The following DGKH variants were observed in gnomAD, a reference collection of about 807,000 sequenced individuals.
The protein encoded by DGKH is diacylglycerol kinase eta.
DGKH carries 90 observed loss-of-function variants against 159.3 expected under a neutral mutation model. That is an observed-to-expected ratio of 0.57 (90% CI 0.48 to 0.67). The LOEUF is 0.67. Ranked by LOEUF, DGKH falls within the 30% of genes least tolerant of loss-of-function variation. The pLI, the probability that DGKH is intolerant of heterozygous loss-of-function variation, is 0.00. For synonymous variants in DGKH, 536 were observed against 553.8 expected, an observed-to-expected ratio of 0.97 and a Z score of 0.45; for missense variants, 1,181 against 1,506.1, an observed-to-expected ratio of 0.78 and a Z score of 3.57.
In DGKH at chr13:42,111,738, G is replaced by C. The variant is rs144891026; in HGVS notation, c.193-15725G>C. 1.2e-3 allele frequency among the ~76,000 whole-genome samples: 190 copies of C among 152,220 alleles called. 1 individual carries two copies. Among genetic ancestry groups the C allele is most frequent in the African/African-American group, 4.4e-3 (184 of 41,526 alleles). On this transcript the variant is annotated intron_variant, in intron 1 of 29. Transcript: ENST00000337343. Reference sequence around the variant, plus strand: ...TGTTGGAATACTTCACTAGACAGGGGGAAGCTTGCTTCTGTGCATTTCTTG... The same window carrying C: ...TGTTGGAATACTTCACTAGACAGGGCGAAGCTTGCTTCTGTGCATTTCTTG...
chr13:42,200,112 T>G (rs1312381158), intron 20 of DGKH, among the ~76,000 whole-genome samples: 1 of 152,204 alleles, frequency 6.6e-6, no homozygotes, highest in Non-Finnish European at 1.5e-5. Flanking sequence ...CATCATTATC[T>G]CCTGAAATTG....
intron 7 of DGKH, 64 bp downstream of exon 7, chr13:42,160,200 G>A (rs575752518): frequency 3.7e-5 from 59 of 1,610,226 alleles, no homozygotes; most frequent in African/African-American, 2.9e-4. Context: ...TGTCATCCAC[G>A]TGGTTTAGAG....
rs923277833 is a variant in DGKH, at chr13:42,198,665, T to A, written c.2285+70T>A. 3 of 1,280,326 alleles carry A rather than the reference T, an allele frequency of 2.3e-6. No homozygotes were observed. In the Admixed American group the frequency reaches 6.0e-5, roughly 26 times the overall value. The allele number at this position is 1,280,326 out of a possible 1,614,324, so 79.3% of individuals were successfully genotyped here. A position where few individuals can be genotyped will look rare whatever the true frequency, so the allele number is the denominator to read the frequency against. Reference sequence around the variant, plus strand: ...TTTTTTTTTTTTTCAACATGAACTGTAACATTTTAAATGTATTACAATAAA... The same window carrying A: ...TTTTTTTTTTTTTCAACATGAACTGAAACATTTTAAATGTATTACAATAAA... On this transcript the variant is annotated intron_variant, in intron 18 of 29. Coordinates refer to ENST00000337343, the MANE Select transcript of DGKH (RefSeq NM_178009.5).
chr13:42,103,835 G>A (rs116581178), intron 1 of DGKH, among the ~76,000 whole-genome samples: 118 of 152,308 alleles, frequency 7.7e-4, no homozygotes, highest in Middle Eastern at 3.4e-3. Flanking sequence ...GGTTCGGTTA[G>A]GAAGGAGGAA....
At chr13:42,070,383 A>G in intron 1 of DGKH, 1 of 1,424,482 alleles carries the variant, frequency 7.0e-7, no homozygotes, top group Non-Finnish European at 9.9e-7. Flanking sequence ...GTTCAAGTTC[A>G]TGTGCACCTG....
chr13:42,153,036 T>C (rs1955954615), intron 3 of DGKH, among the ~76,000 whole-genome samples: 1 of 144,022 alleles, frequency 6.9e-6, no homozygotes, highest in Admixed American at 6.8e-5. Flanking sequence ...ATCAAAATAA[T>C]TTTCCAGTTT....
chr13:42,118,460 AG>A (rs1955003889), intron 1 of DGKH, among the ~76,000 whole-genome samples: 1 of 152,204 alleles, frequency 6.6e-6, no homozygotes. Flanking sequence ...AAAAATGGGT[AG>A]GTTGCTGTCT....
At chr13:42,147,193 G>A (rs1003472680) in intron 3 of DGKH, among the ~76,000 whole-genome samples, 1 of 152,170 alleles carries the variant, frequency 6.6e-6, no homozygotes, top group Non-Finnish European at 1.5e-5. Flanking sequence ...CTTTAATTAA[G>A]AGTTGAAAAT....
At chr13:42,083,336 G>C (rs752419962) in intron 1 of DGKH, among the ~76,000 whole-genome samples, 1 of 150,716 alleles carries the variant, frequency 6.6e-6, no homozygotes, top group Non-Finnish European at 1.5e-5. Flanking sequence ...TGGTGATACT[G>C]TAAGTAGTGG....
intron 1 of DGKH, among the ~76,000 whole-genome samples, chr13:42,114,252 C>T (rs1198587740): frequency 1.3e-5 from 2 of 152,188 alleles, no homozygotes; most frequent in African/African-American, 2.4e-5. Flanking sequence ...GGAGATGACC[C>T]GCCACAAAAT....
intron 1 of DGKH, among the ~76,000 whole-genome samples, chr13:42,083,627 T>A (rs372037639): frequency 1.4e-4 from 21 of 152,062 alleles, no homozygotes; most frequent in African/African-American, 5.1e-4. Context: ...GGGCTTCGGG[T>A]TGGACTGGGC....
At chr13:42,102,592 G>T (rs543750865) in intron 1 of DGKH, among the ~76,000 whole-genome samples, 10 of 152,358 alleles carry the variant, frequency 6.6e-5, no homozygotes, top group African/African-American at 2.4e-4. Context: ...TTGAGGAGCA[G>T]ACACTCTGCC....
intron 15 of DGKH, among the ~76,000 whole-genome samples, chr13:42,190,097 T>G (rs900922638): frequency 6.6e-6 from 1 of 152,236 alleles, no homozygotes; most frequent in African/African-American, 2.4e-5. Flanking sequence ...AGTCTAAATG[T>G]TAATTTTAGT....
intron 3 of DGKH, among the ~76,000 whole-genome samples, chr13:42,149,965 C>T (rs188962257): frequency 4.6e-5 from 7 of 152,230 alleles, no homozygotes; most frequent in Non-Finnish European, 1.0e-4. Context: ...GTGTGGCTTG[C>T]GTGTCAGTTT....
intron 1 of DGKH, among the ~76,000 whole-genome samples, chr13:42,121,720 G>A (rs990474936): frequency 4.6e-5 from 7 of 152,204 alleles, no homozygotes; most frequent in Admixed American, 2.0e-4. Context: ...TTGGGATTCA[G>A]ACACATGAGA....
intron 13 of DGKH, among the ~76,000 whole-genome samples, 200 bp from the exon 14 acceptor site, chr13:42,186,849 A>T (rs549508120): frequency 6.6e-6 from 1 of 152,378 alleles, no homozygotes; most frequent in East Asian, 1.9e-4. Context: ...AGCAAGGCTT[A>T]TTCATGTATG....
chr13:42,151,505 G>GTATATATATACACGTGTATATATA (rs1313067570), intron 3 of DGKH, among the ~76,000 whole-genome samples: 3 of 79,222 alleles, frequency 3.8e-5, no homozygotes, highest in African/African-American at 5.1e-5. Flanking sequence ...GTGTGTGTGT[G>GTATATATATACACGTGTATATATA]TATACACATG....
intron 1 of DGKH, among the ~76,000 whole-genome samples, chr13:42,114,450 G>T (rs566852678): frequency 0.23 from 35,543 of 151,914 alleles, 4,702 homozygotes; most frequent in African/African-American, 0.35. Flanking sequence ...TCTGTGCCAG[G>T]AACTCTGGTA....
intron 29 of DGKH, among the ~76,000 whole-genome samples, chr13:42,227,381 T>G (rs1958159792): frequency 6.6e-6 from 1 of 152,216 alleles, no homozygotes; most frequent in South Asian, 2.1e-4. Context: ...CAAAGAAGAT[T>G]TAGTCTTGAG....
Sources: allele counts gnomAD v4.1 joint callset (sites outside exome capture counted in the v4.1 genomes callset), GRCh38; gene constraint gnomAD v4.1.1; transcripts MANE v1.5; gene names NCBI Gene and HGNC (gene_info 2026-07-23, HGNC 2026-07-21).